Variants in PABIR1 observed in about 807,000 individuals in gnomAD.
PABIR1 encodes PP2A Aalpha (PPP2R1A) and B55A (PPP2R2A) interacting phosphatase regulator 1.
In PABIR1, 2 loss-of-function variants were observed where a neutral mutation model predicts 14.6. That is an observed-to-expected ratio of 0.14 (90% confidence interval 0.06 to 0.43). The LOEUF (loss-of-function observed/expected upper bound fraction) is 0.43, where lower values mean the gene tolerates loss of function less well. PABIR1 is among the 20% of genes least tolerant of loss of function. PABIR1 has a pLI of 0.99. For synonymous variants in PABIR1, 163 were observed against 155.4 expected, an observed-to-expected ratio of 1.05 and a Z score of -0.36; for missense variants, 294 against 379.0, an observed-to-expected ratio of 0.78 and a Z score of 1.86.
rs898789961 is a variant in PABIR1, at chr9:68,783,854, A to G, written c.*2826A>G. ...TAGAGTCATTCTTTTAAAATTGCGG[A>G]CCTGATCCTTCCATCTCCCAGCTGA... On this transcript the variant is annotated 3_prime_UTR_variant, in exon 1 of 1. Coordinates refer to ENST00000394264, the MANE Select transcript of PABIR1 (RefSeq NM_138333.5). 6.0e-6 allele frequency: 1 copy of G among 167,086 alleles called. No individual in the cohort carries two copies. Among genetic ancestry groups the G allele is most frequent in the Non-Finnish European group, 1.5e-5 (1 of 68,150 alleles). The allele number at this position is 167,086 out of a possible 1,614,324, so 10.4% of individuals were successfully genotyped here. A position where few individuals can be genotyped will look rare whatever the true frequency, so the allele number is the denominator to read the frequency against.
At position 68,781,430 on chromosome 9, in the gene PABIR1, A is replaced by C. The variant is rs769940512; in HGVS notation, c.*402A>C. On this transcript the variant is annotated 3_prime_UTR_variant, in exon 1 of 1. Coordinates refer to ENST00000394264, the MANE Select transcript of PABIR1 (RefSeq NM_138333.5). ...TTAAAATTCCATACTTCATGCCCAC[A>C]CTAATTTTTAATGTTATTTTCAGTG... The C allele has an allele frequency of 1.5e-4, 26 of 177,808 alleles. No individual in the cohort carries two copies. The highest frequency in any genetic ancestry group is 6.0e-4 in the African/African-American group (25 of 41,572). 11.0% of individuals were successfully genotyped at this position (177,808 alleles called of 1,614,324 possible). A position where few individuals can be genotyped will look rare whatever the true frequency, so the allele number is the denominator to read the frequency against.
Position 68,783,851 on chromosome 9 carries a change from C to A in PABIR1, c.*2823C>A. 1 of 167,202 alleles carries A rather than the reference C, an allele frequency of 6.0e-6. No individual in the cohort carries two copies. The allele number at this position is 167,202 out of a possible 1,614,324, so 10.4% of individuals were successfully genotyped here. On this transcript the variant is annotated 3_prime_UTR_variant, in exon 1 of 1. Transcript: ENST00000394264. ...AACTAGAGTCATTCTTTTAAAATTG[C>A]GGACCTGATCCTTCCATCTCCCAGC...
chr9:68,780,371 C>T lies in PABIR1; in HGVS notation c.207C>T (p.His69=), dbSNP rs375563692. The T allele has an allele frequency of 6.8e-6, 11 of 1,612,988 alleles. No individual in the cohort carries two copies. Among genetic ancestry groups the T allele is most frequent in the Non-Finnish European group, 7.6e-6 (9 of 1,179,766 alleles). ...RRNSTTFPSR[H]GLLLPASPVR... ...ACAGCACAACGTTCCCGAGCCGCCA[C>T]GGCCTGCTGCTGCCGGCCTCCCCTG... The change falls in exon 1 of 1, where the codon CAC becomes CAT. Residue 69 remains histidine (H), a synonymous_variant. Transcript: ENST00000394264.
In PABIR1 at chr9:68,780,304, CTT is replaced by C; in HGVS notation, c.141_142del (p.Ser48AlafsTer77). 6.3e-7 allele frequency: 1 copy of C among 1,599,822 alleles called. No homozygotes were observed. The highest frequency in any genetic ancestry group is 8.5e-7 in the Non-Finnish European group (1 of 1,173,132). ...CCCCTGATCCACGGCCTCAGTGACA[CTT>C]CGCCGGTGTTCCAGGCCGAGGCGCC... On this transcript the variant is annotated frameshift_variant, in exon 1 of 1. Coordinates refer to ENST00000394264, the MANE Select transcript of PABIR1 (RefSeq NM_138333.5). LOFTEE classifies it high-confidence loss of function.
In PABIR1 at chr9:68,783,337, T is replaced by G. The variant is rs1344228907; in HGVS notation, c.*2309T>G. On this transcript the variant is annotated 3_prime_UTR_variant, in exon 1 of 1. Coordinates refer to ENST00000394264, the MANE Select transcript of PABIR1 (RefSeq NM_138333.5). ...TATTCTTTAAATATGTCATGTACTT[T>G]TCTTGTGTCTGTTCTTTGGGATAAT... 6.0e-6 allele frequency: 1 copy of G among 166,908 alleles called. No homozygotes were observed. The highest frequency in any genetic ancestry group is 1.5e-5 in the Non-Finnish European group (1 of 68,122). 10.3% of individuals were successfully genotyped at this position (166,908 alleles called of 1,614,324 possible).
chr9:68,783,852 G>A lies in PABIR1; in HGVS notation c.*2824G>A, dbSNP rs1055490145. On this transcript the variant is annotated 3_prime_UTR_variant, in exon 1 of 1. Transcript: ENST00000394264. ...ACTAGAGTCATTCTTTTAAAATTGCGGACCTGATCCTTCCATCTCCCAGCT... is the reference window on the plus strand; with the variant it reads ...ACTAGAGTCATTCTTTTAAAATTGCAGACCTGATCCTTCCATCTCCCAGCT... 9 of 166,994 alleles carry A rather than the reference G, an allele frequency of 5.4e-5. No homozygotes were observed. Among genetic ancestry groups the A allele is most frequent in the African/African-American group, 9.7e-5 (4 of 41,428 alleles). 10.3% of individuals were successfully genotyped at this position (166,994 alleles called of 1,614,324 possible).
At position 68,784,052 on chromosome 9, in the gene PABIR1, C is replaced by G. The variant is rs2132470283; in HGVS notation, c.*3024C>G. 1 of 167,074 alleles carries G rather than the reference C, an allele frequency of 6.0e-6. No individual in the cohort carries two copies. Among genetic ancestry groups the G allele is most frequent in the East Asian group, 1.9e-4 (1 of 5,154 alleles). The allele number at this position is 167,074 out of a possible 1,614,324, so 10.3% of individuals were successfully genotyped here. On this transcript the variant is annotated 3_prime_UTR_variant, in exon 1 of 1. Coordinates refer to ENST00000394264, the MANE Select transcript of PABIR1 (RefSeq NM_138333.5). Reference sequence around the variant, plus strand: ...CATCATGTTCTCTCCTATTTTAGATCCTTTTCCCCGAAGGTATGGAAACAT... The same window carrying G: ...CATCATGTTCTCTCCTATTTTAGATGCTTTTCCCCGAAGGTATGGAAACAT...
Position 68,780,284 on chromosome 9 carries a change from G to T in PABIR1, c.120G>T (p.Leu40=), listed in dbSNP as rs373826679. 204 of 1,588,596 alleles carry T rather than the reference G, an allele frequency of 1.3e-4. No individual in the cohort carries two copies. Among genetic ancestry groups the T allele is most frequent in the Non-Finnish European group, 1.7e-4 (199 of 1,168,200 alleles). Residue 40 remains leucine (L), a synonymous_variant, in exon 1 of 1, where the codon CTG becomes CTT. Coordinates refer to ENST00000394264, the MANE Select transcript of PABIR1 (RefSeq NM_138333.5). ...TCAGGAGGTCTAACAGCGCCCCCCT[G>T]ATCCACGGCCTCAGTGACACTTCGC... is the stretch of plus-strand genomic sequence containing the variant. ...GGLRRSNSAP[L]IHGLSDTSPV... is the part of the protein sequence containing the mutation.
In PABIR1 at chr9:68,781,373, A is replaced by C; in HGVS notation, c.*345A>C. 1 of 214,910 alleles carries C rather than the reference A, an allele frequency of 4.7e-6. No individual in the cohort carries two copies. The highest frequency in any genetic ancestry group is 1.0e-5 in the Non-Finnish European group (1 of 97,584). The allele number at this position is 214,910 out of a possible 1,614,324, so 13.3% of individuals were successfully genotyped here. A position where few individuals can be genotyped will look rare whatever the true frequency, so the allele number is the denominator to read the frequency against. ...TTATTAAGTTCTGATGAAAATATAA[A>C]TGTTGACTTAATCAGCATAGTAAAC... On this transcript the variant is annotated 3_prime_UTR_variant, in exon 1 of 1. Transcript: ENST00000394264.
chr9:68,780,687 A>G lies in PABIR1; in HGVS notation c.523A>G (p.Ile175Val), dbSNP rs759491213. The stretch of plus-strand genomic sequence containing the variant: ...TAGCAACGGATTGCCTCCAAGCCCT[A>G]TTCCCAGCCCAACGACCCGATTTAC... ...VSSNGLPPSP[I>V]PSPTTRFTTR... is the part of the protein sequence containing the mutation. Residue 175 changes from isoleucine (I) to valine (V), a missense_variant, in exon 1 of 1, where the codon ATT becomes GTT. This residue lies in a region of PABIR1 where 103 missense variants were observed against 175.9 expected (regional missense o/e 0.59). Coordinates refer to ENST00000394264, the MANE Select transcript of PABIR1 (RefSeq NM_138333.5). 1.2e-5 allele frequency: 20 copies of G among 1,614,108 alleles called. No individual in the cohort carries two copies. Among genetic ancestry groups the G allele is most frequent in the East Asian group, 6.7e-5 (3 of 44,900 alleles).
rs1290883135 is a variant in PABIR1 at position 68,785,152 on chromosome 9, G to A, written c.*4124G>A. ...TTGACTAGGTTTGGGAATTGGTTAA[G>A]TGGGTACTAGGTAAAGCCCAGTGTG... is the stretch of plus-strand genomic sequence containing the variant. On this transcript the variant is annotated 3_prime_UTR_variant, in exon 1 of 1. Coordinates refer to ENST00000394264, the MANE Select transcript of PABIR1 (RefSeq NM_138333.5). Among the ~76,000 whole-genome samples the A allele has an allele frequency of 2.0e-5, 3 of 152,234 alleles. No homozygotes were observed. Among genetic ancestry groups the A allele is most frequent in the Admixed American group, 6.5e-5 (1 of 15,282 alleles).
At position 68,781,038 on chromosome 9, in the gene PABIR1, C is replaced by T. The variant is rs375220098; in HGVS notation, c.*10C>T. 3 of 1,604,580 alleles carry T rather than the reference C, an allele frequency of 1.9e-6. No individual in the cohort carries two copies. Among genetic ancestry groups the T allele is most frequent in the East Asian group, 2.2e-5 (1 of 44,730 alleles). ...ACTTTCGTCTAAGTGATTCACTCAT[C>T]CTGAGACTTTCTTTTTGCAGTGGAG... On this transcript the variant is annotated 3_prime_UTR_variant, in exon 1 of 1. Transcript: ENST00000394264.
Position 68,780,755 on chromosome 9 carries a change from T to G in PABIR1, c.591T>G (p.Ser197Arg), listed in dbSNP as rs917346030. ...GCCCCATCAATTGCATTAGACCAAGTGTTCTTGGACCATTGAAAAGAAAAT... is the reference window on the plus strand; with the variant it reads ...GCCCCATCAATTGCATTAGACCAAGGGTTCTTGGACCATTGAAAAGAAAAT... ...SQSPINCIRP[S>R]VLGPLKRKCE... The change falls in exon 1 of 1, where the codon AGT becomes AGG. Residue 197 changes from serine to arginine, a missense_variant. By Grantham distance (110) the Ser-to-Arg change is moderately radical. Coordinates refer to ENST00000394264, the MANE Select transcript of PABIR1 (RefSeq NM_138333.5). The G allele has an allele frequency of 6.2e-7, 1 of 1,614,214 alleles. No individual in the cohort carries two copies. Among genetic ancestry groups the G allele is most frequent in the Non-Finnish European group, 8.5e-7 (1 of 1,180,030 alleles).
chr9:68,784,105 A>C lies in PABIR1; in HGVS notation c.*3077A>C, dbSNP rs1375895987. On this transcript the variant is annotated 3_prime_UTR_variant, in exon 1 of 1. Coordinates refer to ENST00000394264, the MANE Select transcript of PABIR1 (RefSeq NM_138333.5). ...TTTCTGTAAGCTTATTCTTCTATAT[A>C]GATGGGAAGTTTTTAAATCAGATAA... is the stretch of plus-strand genomic sequence containing the variant. 2 of 167,120 alleles carry C rather than the reference A, an allele frequency of 1.2e-5. No homozygotes were observed. The allele number at this position is 167,120 out of a possible 1,614,324, so 10.4% of individuals were successfully genotyped here.
rs755516679 is a variant in PABIR1 at position 68,780,951 on chromosome 9, A to G, written c.787A>G (p.Thr263Ala). Residue 263 changes from threonine to alanine, a missense_variant, in exon 1 of 1, where the codon ACT becomes GCT. Coordinates refer to ENST00000394264, the MANE Select transcript of PABIR1 (RefSeq NM_138333.5). ...SSCNSPAKVSTTTDSPVSPAQ... is the reference protein window; with the variant it reads ...SSCNSPAKVSATTDSPVSPAQ... Reference sequence around the variant, plus strand: ...TTGTAACTCACCAGCGAAAGTCAGCACTACCACCGACTCTCCTGTGTCACC... The same window carrying G: ...TTGTAACTCACCAGCGAAAGTCAGCGCTACCACCGACTCTCCTGTGTCACC... The G allele has an allele frequency of 4.3e-6, 7 of 1,614,168 alleles. No individual in the cohort carries two copies. In the Admixed American group the frequency reaches 5.0e-5, roughly 12 times the overall value.
rs1331115124 is a variant in PABIR1, at chr9:68,780,239, C to T, written c.75C>T (p.Gly25=). 5.2e-6 allele frequency: 8 copies of T among 1,542,714 alleles called. No individual in the cohort carries two copies. The East Asian group carries it at 1.4e-4, about 26-fold the overall frequency. ...GTGGSPAEGG[G]SGGGGGLRRS... is the part of the protein sequence containing the mutation. ...GCGGGAGCCCGGCGGAGGGCGGTGG[C>T]AGCGGCGGCGGCGGGGGCCTCAGGA... The change falls in exon 1 of 1, where the codon GGC becomes GGT. Residue 25 remains glycine (G), a synonymous_variant. Transcript: ENST00000394264.
chr9:68,781,058 G>C lies in PABIR1; in HGVS notation c.*30G>C. The stretch of plus-strand genomic sequence containing the variant: ...CTCATCCTGAGACTTTCTTTTTGCA[G>C]TGGAGAGAGAGAATAATCTAGTTGG... On this transcript the variant is annotated 3_prime_UTR_variant, in exon 1 of 1. Transcript: ENST00000394264. 1 of 1,588,662 alleles carries C rather than the reference G, an allele frequency of 6.3e-7. No individual in the cohort carries two copies. The highest frequency in any genetic ancestry group is 1.3e-5 in the African/African-American group (1 of 74,132).
rs927444607 is a variant in PABIR1, at chr9:68,782,492, A to G, written c.*1464A>G. ...AGTTTGACAGAAAGAATGGCATACA[A>G]AGAGGAAAGGGGAAAAATGACTCAG... On this transcript the variant is annotated 3_prime_UTR_variant, in exon 1 of 1. Transcript: ENST00000394264. The G allele has an allele frequency of 1.8e-5, 3 of 167,090 alleles. No homozygotes were observed. Among genetic ancestry groups the G allele is most frequent in the African/African-American group, 4.8e-5 (2 of 41,472 alleles). 10.4% of individuals were successfully genotyped at this position (167,090 alleles called of 1,614,324 possible). A position where few individuals can be genotyped will look rare whatever the true frequency, so the allele number is the denominator to read the frequency against.
Position 68,780,666 on chromosome 9 carries a change from A to G in PABIR1, c.502A>G (p.Asn168Asp). ...ATCCTTGCAAAGTTTTGTAAGTAGC[A>G]ACGGATTGCCTCCAAGCCCTATTCC... ...SPSLQSFVSS[N>D]GLPPSPIPSP... The change falls in exon 1 of 1, where the codon AAC becomes GAC. Residue 168 changes from asparagine to aspartate, a missense_variant. By Grantham distance (23) the Asn-to-Asp change is conservative. This residue lies in a region of PABIR1 where 103 missense variants were observed against 175.9 expected (regional missense o/e 0.59). Coordinates refer to ENST00000394264, the MANE Select transcript of PABIR1 (RefSeq NM_138333.5). 1 of 1,614,240 alleles carries G rather than the reference A, an allele frequency of 6.2e-7. No homozygotes were observed. The highest frequency in any genetic ancestry group is 2.2e-5 in the East Asian group (1 of 44,892).
Sources: gnomAD v4.1 joint callset for allele counts (sites outside exome capture counted in the v4.1 genomes callset) on GRCh38, gnomAD v4.1.1 for gene constraint, gnomAD v4.1.1 regional missense constraint, MANE v1.5 for transcripts, NCBI Gene and HGNC (gene_info 2026-07-23, HGNC 2026-07-21) for gene names.